The following PDE6A variants were observed in gnomAD, a reference collection of about 807,000 sequenced individuals.
PDE6A encodes the protein rod cGMP-specific 3',5'-cyclic phosphodiesterase subunit alpha.
PDE6A carries 84 observed loss-of-function variants against 106.3 expected under a neutral mutation model. The ratio of observed to expected loss-of-function variants is 0.79; its 90% CI spans 0.66 to 0.95. The LOEUF is 0.95. PDE6A is among the 40% of genes least tolerant of loss of function. The pLI, the probability that PDE6A is intolerant of heterozygous loss-of-function variation, is 0.00. For synonymous variants in PDE6A, 394 were observed against 386.6 expected (o/e 1.02, Z -0.23); for missense variants, 1,052 against 1,084.9 (o/e 0.97, Z 0.43).
chr5:149,881,073 A>G (rs183545514), intron 17 of PDE6A, among the ~76,000 whole-genome samples: 3 of 152,270 alleles, frequency 2.0e-5, no homozygotes, highest in Non-Finnish European at 2.9e-5. Context: ...AGAAAAAAGA[A>G]AAGAAAAGAA....
intron 20 of PDE6A, among the ~76,000 whole-genome samples, chr5:149,864,588 A>G (rs1258272141): frequency 6.6e-6 from 1 of 152,192 alleles, no homozygotes; most frequent in Non-Finnish European, 1.5e-5. Context: ...ATTATACTTT[A>G]TGAGCAATTT....
At chr5:149,900,286 C>T (rs1201578652) in intron 8 of PDE6A, among the ~76,000 whole-genome samples, 3 of 150,398 alleles carry the variant, frequency 2.0e-5, no homozygotes, top group African/African-American at 4.9e-5. Context: ...CGCTTGAACC[C>T]AGGAGGCAGA....
At chr5:149,895,041 A>G in intron 13 of PDE6A, 142 bp downstream of exon 13, 3 of 679,658 alleles carry the variant, frequency 4.4e-6, no homozygotes, top group Non-Finnish European at 8.2e-6. Flanking sequence ...CTTTTACACT[A>G]AGCCCGTACT....
chr5:149,934,474 C>A, intron 2 of PDE6A, 92 bp downstream of exon 2: 1 of 1,286,116 alleles, frequency 7.8e-7, no homozygotes. Flanking sequence ...GATGGGAAAA[C>A]TGAGGCCAGG....
rs55680278 is a variant in PDE6A at position 149,900,375 on chromosome 5, GTATATATATATA to G, written c.1114-863_1114-852del. 0.012 allele frequency among the ~76,000 whole-genome samples: 998 copies of G among 82,660 alleles called. 126 individuals are homozygous for G. The Admixed American group carries it at 0.12, about 10-fold the overall frequency. The allele number at this position is 82,660 out of a possible 152,430, so 54.2% of individuals were successfully genotyped here. On this transcript the variant is annotated intron_variant, in intron 8 of 21. Transcript: ENST00000255266. ...AGACTCCATCTCGAAAAATATATAT[GTATATATATATA>G]TATATATATATCCGTTGGTTCATCA...
In PDE6A at chr5:149,934,040, G is replaced by A. The variant is rs576022705; in HGVS notation, c.628-21C>T. The A allele has an allele frequency of 2.2e-6, 3 of 1,357,356 alleles. No homozygotes were observed. In the African/African-American group the frequency reaches 4.3e-5, roughly 20 times the overall value. The allele number at this position is 1,357,356 out of a possible 1,614,324, so 84.1% of individuals were successfully genotyped here. On this transcript the variant is annotated intron_variant, in intron 2 of 21. Transcript: ENST00000255266. The stretch of plus-strand genomic sequence containing the variant: ...AGAATCTAAAAATCAAACAGCATGA[G>A]GGGAGGCAGGTGAGAAGAAGAAATC...
intron 17 of PDE6A, among the ~76,000 whole-genome samples, chr5:149,878,390 TG>T (rs1760816314): frequency 6.6e-6 from 1 of 152,202 alleles, no homozygotes; most frequent in African/African-American, 2.4e-5. Flanking sequence ...TGTATGAAAG[TG>T]TTATCGTTTA....
chr5:149,913,850 T>A (rs1219973573), intron 6 of PDE6A, among the ~76,000 whole-genome samples: 1 of 152,244 alleles, frequency 6.6e-6, no homozygotes, highest in Non-Finnish European at 1.5e-5. Context: ...TAAGCCCATA[T>A]TTAAACAGTT....
At position 149,944,185 on chromosome 5, in the gene PDE6A, T is replaced by A; in HGVS notation, c.474+15A>T. 6.3e-7 allele frequency: 1 copy of A among 1,591,162 alleles called. No individual in the cohort carries two copies. The highest frequency in any genetic ancestry group is 1.3e-5 in the African/African-American group (1 of 74,540). ...ATAATGCCCCATGCCCTCTCTCTCA[T>A]GGGGAAGAGAGTACCTCCTCTGTGT... is the stretch of plus-strand genomic sequence containing the variant. On this transcript the variant is annotated intron_variant, in intron 1 of 21. Coordinates refer to ENST00000255266, the MANE Select transcript of PDE6A (RefSeq NM_000440.3).
intron 5 of PDE6A, among the ~76,000 whole-genome samples, chr5:149,920,609 A>G (rs1271939801): frequency 6.6e-6 from 1 of 152,126 alleles, no homozygotes; most frequent in East Asian, 1.9e-4. Flanking sequence ...GGACTGTGGC[A>G]AACTAGAGAA....
intron 4 of PDE6A, among the ~76,000 whole-genome samples, chr5:149,928,637 C>T (rs762507997): frequency 3.9e-4 from 60 of 152,222 alleles, no homozygotes; most frequent in South Asian, 1.2e-3. Flanking sequence ...CATCACTAGA[C>T]GATAGAATTT....
chr5:149,941,033 A>G (rs1187808661), intron 1 of PDE6A, among the ~76,000 whole-genome samples: 1 of 152,236 alleles, frequency 6.6e-6, no homozygotes, highest in African/African-American at 2.4e-5. Flanking sequence ...GCCGGAACAC[A>G]GCTCCTGGTT....
At chr5:149,903,147 T>TAAAAAAAAAAAAAAAAAAAAAAAAAAAAA (rs373566897) in intron 8 of PDE6A, among the ~76,000 whole-genome samples, 3 of 90,982 alleles carry the variant, frequency 3.3e-5, no homozygotes, top group Non-Finnish European at 6.2e-5. Flanking sequence ...AGACCCTCTC[T>TAAAAAAAAAAAAAAAAAAAAAAAAAAAAA]AAAAAAAAAA....
intron 10 of PDE6A, among the ~76,000 whole-genome samples, chr5:149,897,275 C>A (rs1393793098): frequency 6.6e-6 from 1 of 152,198 alleles, no homozygotes; most frequent in African/African-American, 2.4e-5. Flanking sequence ...GAGGCAAGTT[C>A]CTTCTCTCTC....
intron 13 of PDE6A, among the ~76,000 whole-genome samples, chr5:149,893,281 A>G (rs1752611919): frequency 6.6e-6 from 1 of 152,152 alleles, no homozygotes; most frequent in African/African-American, 2.4e-5. Flanking sequence ...TTGGATCTAC[A>G]TCTCTCAATT....
intron 4 of PDE6A, 63 bp from the exon 5 acceptor site, chr5:149,921,772 T>G: frequency 3.1e-6 from 4 of 1,270,662 alleles, no homozygotes; most frequent in Non-Finnish European, 4.6e-6. Context: ...GAGATTAAGA[T>G]GTCCCACCTC....
chr5:149,899,565 G>C lies in PDE6A; in HGVS notation c.1114-41C>G, dbSNP rs779395268. 16 of 1,597,238 alleles carry C rather than the reference G, an allele frequency of 1.0e-5. No individual in the cohort carries two copies. In the South Asian group the frequency reaches 1.8e-4, roughly 18 times the overall value. On this transcript the variant is annotated intron_variant, in intron 8 of 21. Coordinates refer to ENST00000255266, the MANE Select transcript of PDE6A (RefSeq NM_000440.3). Reference sequence around the variant, plus strand: ...TAGATTAGGTTTCCTCTTGTTTCAGGCCACAGAGGCAACGATGATAGATTT... The same window carrying C: ...TAGATTAGGTTTCCTCTTGTTTCAGCCCACAGAGGCAACGATGATAGATTT...
At chr5:149,930,943 A>G in intron 4 of PDE6A, 85 bp downstream of exon 4, 3 of 1,358,116 alleles carry the variant, frequency 2.2e-6, no homozygotes, top group Non-Finnish European at 3.2e-6. Flanking sequence ...TCCCCCGTGC[A>G]ATTGAATGTG....
At chr5:149,931,263 A>G in intron 3 of PDE6A, 95 bp from the exon 4 acceptor site, 1 of 1,164,370 alleles carries the variant, frequency 8.6e-7, no homozygotes, top group Non-Finnish European at 1.3e-6. Flanking sequence ...AGTTGTCTGG[A>G]GTTTATTTCA....
Sources: allele counts gnomAD v4.1 joint callset (sites outside exome capture counted in the v4.1 genomes callset), GRCh38; gene constraint gnomAD v4.1.1; transcripts MANE v1.5; gene names NCBI Gene and HGNC (gene_info 2026-07-23, HGNC 2026-07-21).